FAM174B: variants seen among roughly 807,000 people sequenced by gnomAD.
FAM174B encodes family with sequence similarity 174 member B.
A neutral mutation model predicts 10.9 loss-of-function variants in FAM174B; 12 were observed. The ratio of observed to expected loss-of-function variants is 1.10; its 90% CI spans 0.71 to 1.79. The LOEUF (loss-of-function observed/expected upper bound fraction) is 1.79. Among genes scored for constraint, FAM174B ranks in the 40% most tolerant of loss-of-function variants. The pLI is 0.00. For synonymous variants in FAM174B, 132 were observed against 115.8 expected, an observed-to-expected ratio of 1.14 and a Z score of -0.90; for missense variants, 266 against 233.3, an observed-to-expected ratio of 1.14 and a Z score of -0.91.
rs147703235 is a variant in FAM174B at position 92,633,009 on chromosome 15, TTTG to T, written c.345-2667_345-2665del. 9.6e-3 allele frequency among the ~76,000 whole-genome samples: 1,464 copies of T among 152,324 alleles called. 14 individuals are homozygous for T. Among genetic ancestry groups the T allele is most frequent in the African/African-American group, 0.026 (1,082 of 41,568 alleles). ...ACTATTAGTGTGATGACTGACGTTC[TTTG>T]TGTTTGTTCCTCCACTCTCTTGAAC... On this transcript the variant is annotated intron_variant, in intron 1 of 2. Transcript: ENST00000327355.
chr15:92,639,454 A>T (rs1464934666), intron 1 of FAM174B, among the ~76,000 whole-genome samples: 2 of 152,220 alleles, frequency 1.3e-5, no homozygotes, highest in African/African-American at 4.8e-5. Flanking sequence ...ATTCATGAGG[A>T]TGGGAGAAGC....
At chr15:92,645,674 C>T (rs2050921862) in intron 1 of FAM174B, 1 of 152,384 alleles carries the variant, frequency 6.6e-6, no homozygotes, top group African/African-American at 2.4e-5. Context: ...GAAGGTAGCC[C>T]CTAGGGGCAG....
chr15:92,623,468 C>T (rs558721579), intron 2 of FAM174B, among the ~76,000 whole-genome samples: 2 of 152,356 alleles, frequency 1.3e-5, no homozygotes, highest in Non-Finnish European at 2.9e-5. Flanking sequence ...TTAGCTGCCA[C>T]CGCCCAGGCT....
intron 2 of FAM174B, among the ~76,000 whole-genome samples, chr15:92,629,428 C>A (rs1342571502): frequency 3.3e-5 from 5 of 152,192 alleles, no homozygotes; most frequent in Admixed American, 3.3e-4. Flanking sequence ...CATCGGTAAA[C>A]TCCATCCAAG....
chr15:92,643,343 A>AGTGT (rs1309760071), intron 1 of FAM174B, among the ~76,000 whole-genome samples: 13 of 17,904 alleles, frequency 7.3e-4, no homozygotes, highest in Admixed American at 3.6e-3. Flanking sequence ...ATAGGGAAGG[A>AGTGT]ATGTGTGTGT....
intron 2 of FAM174B, among the ~76,000 whole-genome samples, chr15:92,622,738 G>A (rs1279280524): frequency 1.3e-5 from 2 of 152,172 alleles, no homozygotes; most frequent in African/African-American, 4.8e-5. Context: ...AGCCACCTTG[G>A]GCTCACTTCG....
intron 1 of FAM174B, among the ~76,000 whole-genome samples, chr15:92,635,159 CCACACACACCCACACACACACACACA>C (rs2050846337): frequency 4.8e-5 from 1 of 20,872 alleles, no homozygotes; most frequent in Non-Finnish European, 6.4e-4. Flanking sequence ...CACTATCTCT[CCACACACACCCACACACACACACACA>C]CACACACACA....
chr15:92,634,666 G>C (rs1222092551), intron 1 of FAM174B: 1 of 152,164 alleles, frequency 6.6e-6, no homozygotes, highest in Admixed American at 6.5e-5. Flanking sequence ...ATATACCAAA[G>C]GTGTGATGGC....
chr15:92,628,299 G>C (rs2050766956), intron 2 of FAM174B, among the ~76,000 whole-genome samples: 1 of 150,002 alleles, frequency 6.7e-6, no homozygotes, highest in African/African-American at 2.5e-5. Context: ...CAAGTAGCTG[G>C]GACTACAGGC....
intron 1 of FAM174B, among the ~76,000 whole-genome samples, chr15:92,651,645 T>C (rs376271412): frequency 2.6e-5 from 4 of 152,244 alleles, no homozygotes; most frequent in African/African-American, 7.2e-5. Context: ...GCCATAAAGA[T>C]TGCCATGATT....
chr15:92,653,495 C>T (rs2050980467), intron 1 of FAM174B, among the ~76,000 whole-genome samples: 1 of 152,244 alleles, frequency 6.6e-6, no homozygotes, highest in Non-Finnish European at 1.5e-5. Context: ...ACTGAACAAT[C>T]AGGAAGTCCG....
chr15:92,621,646 A>G (rs1167611889), intron 2 of FAM174B, among the ~76,000 whole-genome samples: 1 of 151,674 alleles, frequency 6.6e-6, no homozygotes, highest in Non-Finnish European at 1.5e-5. Context: ...CATATTAGCC[A>G]CTAAAGTCCC....
intron 1 of FAM174B, among the ~76,000 whole-genome samples, chr15:92,631,526 G>A (rs1237345008): frequency 3.2e-4 from 35 of 110,238 alleles, no homozygotes; most frequent in African/African-American, 8.6e-4. Context: ...ATGGAGTCTC[G>A]CTCTGTCACC....
At chr15:92,640,276 G>A (rs536582409) in intron 1 of FAM174B, among the ~76,000 whole-genome samples, 131 of 152,212 alleles carry the variant, frequency 8.6e-4, no homozygotes, top group Non-Finnish European at 1.5e-3. Context: ...AATAGGCGGG[G>A]AGCAGTGGCT....
intron 2 of FAM174B, among the ~76,000 whole-genome samples, chr15:92,625,359 A>G (rs2050746430): frequency 6.6e-6 from 1 of 152,222 alleles, no homozygotes; most frequent in South Asian, 2.1e-4. Context: ...CTGGTGCCAA[A>G]AACATGATTT....
chr15:92,628,893 T>G (rs180780515), intron 2 of FAM174B, among the ~76,000 whole-genome samples: 8 of 152,342 alleles, frequency 5.3e-5, no homozygotes, highest in Admixed American at 2.0e-4. Flanking sequence ...ATACATAAAT[T>G]TTTTAAAGTA....
chr15:92,630,164 C>T (rs183614422), intron 2 of FAM174B, 50 bp downstream of exon 2: 3 of 1,602,340 alleles, frequency 1.9e-6, no homozygotes, highest in African/African-American at 2.7e-5. Flanking sequence ...CGAGGTCCCA[C>T]CAACCCACTG....
intron 2 of FAM174B, chr15:92,627,179 G>A (rs78810082): frequency 0.023 from 3,509 of 152,792 alleles, 66 homozygotes; most frequent in South Asian, 0.048. Flanking sequence ...CGTGCCCGGA[G>A]ACCAGGTGTC....
rs375686061 is a variant in FAM174B at position 92,630,312 on chromosome 15, A to T, written c.378T>A (p.Tyr126Ter). ...GCTCTGCTGGAGTGGTGATGATATC[A>T]TACTTGCGTGTCTTCTTTAACCTCT... ...SGKRLKKTRKYDIITTPAERV... is the reference protein window; with the variant it reads ...SGKRLKKTRK The change falls in exon 2 of 3, where the codon TAT (tyrosine) becomes TAA (stop). Residue 126 changes from tyrosine to a stop codon, truncating the protein, a stop_gained. Transcript: ENST00000327355. LOFTEE classifies it high-confidence loss of function. 1.2e-6 allele frequency: 2 copies of T among 1,613,672 alleles called. No individual in the cohort carries two copies. The highest frequency in any genetic ancestry group is 1.7e-6 in the Non-Finnish European group (2 of 1,179,748).
Sources: gnomAD v4.1 joint callset for allele counts (sites outside exome capture counted in the v4.1 genomes callset) on GRCh38, gnomAD v4.1.1 for gene constraint, MANE v1.5 for transcripts, NCBI Gene and HGNC (gene_info 2026-07-23, HGNC 2026-07-21) for gene names.